Variants in NRXN1 observed in about 807,000 individuals in gnomAD.
NRXN1 encodes the protein neurexin 1.
NRXN1 carries 39 observed loss-of-function variants against 150.9 expected under a neutral mutation model. That is an observed-to-expected ratio of 0.26 (90% CI 0.20 to 0.34). The LOEUF (loss-of-function observed/expected upper bound fraction) is 0.34, where lower values mean the gene tolerates loss of function less well. Ranked by LOEUF, NRXN1 falls within the 10% of genes least tolerant of loss-of-function variation. NRXN1 has a pLI of 1.00. For missense variants in NRXN1, 1,815 were observed against 1,949.9 expected (o/e 0.93, Z 1.30); for synonymous variants, 924 against 757.0 (o/e 1.22, Z -3.62).
chr2:50,661,546 G>A (rs886206476), intron 5 of NRXN1, among the ~76,000 whole-genome samples: 1 of 152,008 alleles, frequency 6.6e-6, no homozygotes, highest in Non-Finnish European at 1.5e-5. Flanking sequence ...AGGGTCCTCA[G>A]TAATTACCCA....
chr2:50,847,515 C>T (rs889659556), intron 5 of NRXN1, among the ~76,000 whole-genome samples: 6 of 152,104 alleles, frequency 3.9e-5, no homozygotes, highest in African/African-American at 1.2e-4. Flanking sequence ...CAGTCCCTGG[C>T]TAGGGCTCCA....
chr2:50,956,630 GC>G (rs1286610274), intron 2 of NRXN1, among the ~76,000 whole-genome samples: 1 of 151,812 alleles, frequency 6.6e-6, no homozygotes, highest in Non-Finnish European at 1.5e-5. Flanking sequence ...TGCCTATAGT[GC>G]CAGCGACTCA....
chr2:50,710,159 C>A (rs1303360164), intron 5 of NRXN1, among the ~76,000 whole-genome samples: 1 of 152,186 alleles, frequency 6.6e-6, no homozygotes, highest in Non-Finnish European at 1.5e-5. Flanking sequence ...AAAGGAGCTG[C>A]AGACTTGTAT....
intron 2 of NRXN1, among the ~76,000 whole-genome samples, chr2:50,955,249 T>C (rs766040446): frequency 2.0e-5 from 3 of 152,196 alleles, no homozygotes; most frequent in East Asian, 1.9e-4. Context: ...ATGAAAACCA[T>C]AGTTCACAAA....
intron 8 of NRXN1, 63 bp from the exon 9 acceptor site, chr2:50,553,088 C>G: frequency 1.7e-6 from 2 of 1,175,530 alleles, no homozygotes; most frequent in Admixed American, 2.2e-5. Context: ...AACTTGTGAA[C>G]AGCTCATGTA....
intron 17 of NRXN1, among the ~76,000 whole-genome samples, chr2:50,460,333 G>C (rs190233970): frequency 3.3e-5 from 5 of 152,152 alleles, no homozygotes; most frequent in Admixed American, 3.3e-4. Context: ...CTTCCTTTTT[G>C]ATTTCTAGGG....
At position 50,743,098 on chromosome 2, in the gene NRXN1, A is replaced by G. The variant is rs376488506; in HGVS notation, c.833-119483T>C. The stretch of plus-strand genomic sequence containing the variant: ...TATAGAGAGATGACAACAAAATTAG[A>G]ACATTTAAATATTTTTAAAGGATTT... On this transcript the variant is annotated intron_variant, in intron 5 of 22. Transcript: ENST00000401669. Among the ~76,000 whole-genome samples, 9 of 152,188 alleles carry G rather than the reference A, an allele frequency of 5.9e-5. No homozygotes were observed. In the East Asian group the frequency reaches 1.2e-3, roughly 20 times the overall value.
rs189554484 is a variant in NRXN1 at position 50,846,890 on chromosome 2, A to G, written c.832+74979T>C. ...GCATGAAAAGTTTCATAACGAAATA[A>G]TGACCTTAAGAAACAGGCAATCCTA... On this transcript the variant is annotated intron_variant, in intron 5 of 22. Coordinates refer to ENST00000401669, the MANE Select transcript of NRXN1 (RefSeq NM_001330078.2). 3.3e-5 allele frequency among the ~76,000 whole-genome samples: 5 copies of G among 152,352 alleles called. No homozygotes were observed. In the East Asian group the frequency reaches 9.7e-4, roughly 29 times the overall value.
At chr2:50,244,563 G>C (rs2066333133) in intron 17 of NRXN1, among the ~76,000 whole-genome samples, 1 of 151,866 alleles carries the variant, frequency 6.6e-6, no homozygotes, top group African/African-American at 2.4e-5. Context: ...TGCCAACTGT[G>C]TGAAAGGAGC....
chr2:49,957,465 C>T (rs1423219657), intron 21 of NRXN1, among the ~76,000 whole-genome samples: 1 of 152,066 alleles, frequency 6.6e-6, no homozygotes, highest in Non-Finnish European at 1.5e-5. Context: ...CACTGGACTC[C>T]CTAATCTTTA....
intron 5 of NRXN1, among the ~76,000 whole-genome samples, chr2:50,859,574 A>C (rs1435122171): frequency 6.6e-6 from 1 of 151,860 alleles, no homozygotes; most frequent in Non-Finnish European, 1.5e-5. Context: ...AATAAATCTA[A>C]CAGAAATGTT....
At chr2:50,003,141 T>C (rs1684211434) in intron 21 of NRXN1, among the ~76,000 whole-genome samples, 1 of 152,224 alleles carries the variant, frequency 6.6e-6, no homozygotes, top group Non-Finnish European at 1.5e-5. Flanking sequence ...TGGATGAGAA[T>C]ACCCTGATTA....
At chr2:50,614,652 T>C (rs527742413) in intron 8 of NRXN1, among the ~76,000 whole-genome samples, 1 of 129,942 alleles carries the variant, frequency 7.7e-6, no homozygotes, top group African/African-American at 2.9e-5. Context: ...TATATATATA[T>C]ATATATAAAA....
chr2:50,874,526 C>A (rs535554131), intron 5 of NRXN1, among the ~76,000 whole-genome samples: 10 of 151,790 alleles, frequency 6.6e-5, no homozygotes, highest in Non-Finnish European at 1.5e-4. Context: ...GTTAGCATCA[C>A]GTTTTGAGAA....
At chr2:50,730,672 CTTTTTTTT>C (rs56042523) in intron 5 of NRXN1, among the ~76,000 whole-genome samples, 79 of 122,012 alleles carry the variant, frequency 6.5e-4, no homozygotes, top group Non-Finnish European at 9.1e-4. Flanking sequence ...TTCTTGTTTT[CTTTTTTTT>C]TTTTTTTTTT....
chr2:50,658,378 C>CA (rs1380266835), intron 5 of NRXN1, among the ~76,000 whole-genome samples: 1 of 139,156 alleles, frequency 7.2e-6, no homozygotes, highest in Admixed American at 7.4e-5. Flanking sequence ...AGTGTAAACT[C>CA]AATGTTTTTA....
At chr2:50,830,237 T>C (rs867690260) in intron 5 of NRXN1, among the ~76,000 whole-genome samples, 2 of 152,002 alleles carry the variant, frequency 1.3e-5, no homozygotes, top group African/African-American at 2.4e-5. Flanking sequence ...GTAAAAGGAA[T>C]TGAAATTTCA....
chr2:50,023,475 T>C (rs1687861572), intron 21 of NRXN1: 1 of 152,166 alleles, frequency 6.6e-6, no homozygotes, highest in African/African-American at 2.4e-5. Flanking sequence ...CTCCTGTAAA[T>C]GCTTTCAACC....
At chr2:49,995,609 G>A (rs1355206425) in intron 21 of NRXN1, among the ~76,000 whole-genome samples, 3 of 151,284 alleles carry the variant, frequency 2.0e-5, no homozygotes, top group African/African-American at 7.3e-5. Flanking sequence ...GTGAAACCCC[G>A]CCTCTACTAA....
Sources: gnomAD v4.1 joint callset for allele counts (sites outside exome capture counted in the v4.1 genomes callset) on GRCh38, gnomAD v4.1.1 for gene constraint, MANE v1.5 for transcripts, NCBI Gene and HGNC (gene_info 2026-07-23, HGNC 2026-07-21) for gene names.